PUS10: variants seen among roughly 807,000 people sequenced by gnomAD.
The protein encoded by PUS10 is tRNA pseudouridine synthase Pus10.
PUS10 carries 59 observed loss-of-function variants against 75.0 expected under a neutral mutation model. That is an observed-to-expected ratio of 0.79 (90% CI 0.64 to 0.98). PUS10 has a LOEUF of 0.98. Among genes scored for constraint, PUS10 ranks in the 50% least tolerant of loss-of-function variants. The pLI, the probability that PUS10 is intolerant of heterozygous loss-of-function variation, is 0.00. For missense variants in PUS10, 650 were observed against 614.4 expected (o/e 1.06, Z -0.61); for synonymous variants, 219 against 211.6 (o/e 1.03, Z -0.30).
chr2:60,955,120 C>T, intron 11 of PUS10, 46 bp from the exon 12 acceptor site: 2 of 1,227,080 alleles, frequency 1.6e-6, no homozygotes, highest in East Asian at 2.4e-5. Flanking sequence ...CATCATAGCT[C>T]TAAGATATTC....
chr2:60,995,130 T>C (rs1247326939), intron 4 of PUS10, among the ~76,000 whole-genome samples: 1 of 152,122 alleles, frequency 6.6e-6, no homozygotes, highest in Non-Finnish European at 1.5e-5. Flanking sequence ...AGATCAGAGT[T>C]CAAATCCTAG....
intron 4 of PUS10, among the ~76,000 whole-genome samples, chr2:60,991,623 A>G (rs759998951): frequency 6.6e-6 from 1 of 152,092 alleles, no homozygotes; most frequent in Non-Finnish European, 1.5e-5. Flanking sequence ...TGTCCAGCTA[A>G]TTTTTTATTT....
chr2:60,991,676 G>A (rs932871542), intron 4 of PUS10, among the ~76,000 whole-genome samples: 1 of 152,106 alleles, frequency 6.6e-6, no homozygotes, highest in South Asian at 2.1e-4. Flanking sequence ...ACTTTTAAGA[G>A]TAAAGGAAAA....
At chr2:60,994,959 G>A (rs562333391) in intron 4 of PUS10, among the ~76,000 whole-genome samples, 31 of 152,140 alleles carry the variant, frequency 2.0e-4, no homozygotes, top group Non-Finnish European at 3.5e-4. Flanking sequence ...GCAAGGTGAC[G>A]AGCGTCTGTA....
intron 1 of PUS10, chr2:61,017,772 C>G: frequency 6.5e-7 from 1 of 1,549,516 alleles, no homozygotes; most frequent in South Asian, 1.2e-5. Context: ...GGCGTCCCAG[C>G]CGCCACCTCC....
At chr2:60,992,510 A>G (rs537687751) in intron 4 of PUS10, among the ~76,000 whole-genome samples, 1 of 152,312 alleles carries the variant, frequency 6.6e-6, no homozygotes, top group Admixed American at 6.5e-5. Context: ...TCTAATATGA[A>G]TTTCTAGTGA....
chr2:60,950,217 T>G (rs1273944891), intron 15 of PUS10, among the ~76,000 whole-genome samples: 1 of 152,196 alleles, frequency 6.6e-6, no homozygotes, highest in Admixed American at 6.5e-5. Flanking sequence ...TAAATGACTT[T>G]CTTTAAGCAG....
intron 4 of PUS10, among the ~76,000 whole-genome samples, chr2:60,990,759 CTTTT>C (rs967693457): frequency 6.6e-6 from 1 of 151,954 alleles, no homozygotes; most frequent in African/African-American, 2.4e-5. Context: ...CTTTTCTTTT[CTTTT>C]GAGACAGGGT....
At chr2:60,973,692 G>A (rs1031645762) in intron 4 of PUS10, among the ~76,000 whole-genome samples, 1 of 152,238 alleles carries the variant, frequency 6.6e-6, no homozygotes, top group Non-Finnish European at 1.5e-5. Context: ...GGCAGAAAGC[G>A]GCAGGTCCAC....
intron 7 of PUS10, 134 bp downstream of exon 7, chr2:60,965,289 G>C: frequency 2.0e-6 from 2 of 986,924 alleles, no homozygotes; most frequent in South Asian, 2.8e-5. Context: ...ATTTTTTTGA[G>C]GGCACATTTT....
intron 17 of PUS10, among the ~76,000 whole-genome samples, chr2:60,943,676 T>G (rs893738903): frequency 2.0e-5 from 3 of 152,062 alleles, no homozygotes; most frequent in African/African-American, 7.2e-5. Flanking sequence ...TTGTTCTGTT[T>G]CAGAATATAG....
intron 4 of PUS10, among the ~76,000 whole-genome samples, chr2:60,987,994 C>T (rs1442956654): frequency 6.6e-6 from 1 of 151,284 alleles, no homozygotes; most frequent in African/African-American, 2.4e-5. Flanking sequence ...GAGGCTGAGG[C>T]AGGAGAATCT....
chr2:60,971,112 G>A (rs888377256), intron 5 of PUS10, among the ~76,000 whole-genome samples: 2 of 151,792 alleles, frequency 1.3e-5, no homozygotes, highest in African/African-American at 2.4e-5. Flanking sequence ...CCAGCGAGGT[G>A]GAGGTTGCAG....
intron 4 of PUS10, among the ~76,000 whole-genome samples, chr2:60,973,817 C>T (rs1418833011): frequency 1.3e-5 from 2 of 152,220 alleles, no homozygotes; most frequent in African/African-American, 4.8e-5. Flanking sequence ...CATGGCTGCC[C>T]ATGGACCAAT....
intron 11 of PUS10, among the ~76,000 whole-genome samples, chr2:60,959,018 C>A (rs1392612733): frequency 6.6e-6 from 1 of 152,188 alleles, no homozygotes. Flanking sequence ...CTGCCTTTGA[C>A]CTGACAGGCC....
At chr2:61,004,559 G>T (rs1269716774) in intron 4 of PUS10, among the ~76,000 whole-genome samples, 1 of 151,132 alleles carries the variant, frequency 6.6e-6, no homozygotes, top group Non-Finnish European at 1.5e-5. Flanking sequence ...AACCTGGGAG[G>T]CGGAGCTTGC....
Position 60,941,086 on chromosome 2 carries a change from TC to T in PUS10, c.*1308del, listed in dbSNP as rs1674606083. On this transcript the variant is annotated 3_prime_UTR_variant, in exon 18 of 18. Transcript: ENST00000316752. ...AGTCACATGTATTCTTAAAAAAAGC[TC>T]AAATAGTTGAATTAGGGTGATGGAA... is the stretch of plus-strand genomic sequence containing the variant. 1.3e-5 allele frequency: 2 copies of T among 152,238 alleles called. No individual in the cohort carries two copies. Among genetic ancestry groups the T allele is most frequent in the Non-Finnish European group, 2.9e-5 (2 of 67,978 alleles). The allele number at this position is 152,238 out of a possible 1,614,324, so 9.4% of individuals were successfully genotyped here.
chr2:60,945,092 C>T lies in PUS10; in HGVS notation c.1468G>A (p.Val490Ile). The T allele has an allele frequency of 6.2e-7, 1 of 1,613,156 alleles. No homozygotes were observed. The highest frequency in any genetic ancestry group is 8.5e-7 in the Non-Finnish European group (1 of 1,179,114). ...TQAGTYIKEF[V>I]HGDFGRTKPN... ...TTGGTTCTCCCGAAGTCTCCATGTA[C>T]AAACTCTTTAATGTAGCTGGGGTTT... is the stretch of plus-strand genomic sequence containing the variant. Residue 490 changes from valine to isoleucine, a missense_variant, in exon 17 of 18, where the codon GTA (valine) becomes ATA (isoleucine). By Grantham distance (29) the Val-to-Ile change is conservative (BLOSUM62 3). Coordinates refer to ENST00000316752, the MANE Select transcript of PUS10 (RefSeq NM_144709.4).
chr2:61,015,277 T>G (rs1432203364), intron 1 of PUS10, among the ~76,000 whole-genome samples: 3 of 151,990 alleles, frequency 2.0e-5, no homozygotes, highest in Non-Finnish European at 4.4e-5. Context: ...AGGCAGGCAT[T>G]ATCACTTGAG....
Sources: allele counts gnomAD v4.1 joint callset (sites outside exome capture counted in the v4.1 genomes callset), GRCh38; gene constraint gnomAD v4.1.1; transcripts MANE v1.5; gene names NCBI Gene and HGNC (gene_info 2026-07-23, HGNC 2026-07-21).